ACBD6: variants seen among roughly 807,000 people sequenced by gnomAD.
The protein encoded by ACBD6 is acyl-CoA-binding domain-containing protein 6.
ACBD6 carries 28 observed loss-of-function variants against 37.2 expected under a neutral mutation model. That is an observed-to-expected ratio of 0.75 (90% CI 0.56 to 1.03). ACBD6 has a LOEUF of 1.03. Ranked by LOEUF, ACBD6 falls within the 50% of genes least tolerant of loss-of-function variation. ACBD6 has a pLI of 0.00. For missense variants in ACBD6, 340 were observed against 337.4 expected (o/e 1.01, Z -0.06); for synonymous variants, 113 against 126.8 (o/e 0.89, Z 0.73).
intron 3 of ACBD6, among the ~76,000 whole-genome samples, chr1:180,490,889 T>C (rs1400676896): frequency 7.1e-6 from 1 of 140,014 alleles, no homozygotes; most frequent in Non-Finnish European, 1.5e-5. Context: ...ACCTGGGAGG[T>C]GGAGGTTACG....
chr1:180,501,988 T>C (rs1652000185), intron 1 of ACBD6, 57 bp downstream of exon 1: 5 of 1,541,598 alleles, frequency 3.2e-6, no homozygotes, highest in Non-Finnish European at 3.6e-6. Context: ...CTATCAGTTG[T>C]TGAGGAAGAA....
At chr1:180,496,209 T>A (rs1310108610) in intron 1 of ACBD6, among the ~76,000 whole-genome samples, 1 of 152,196 alleles carries the variant, frequency 6.6e-6, no homozygotes, top group Non-Finnish European at 1.5e-5. Context: ...AGAATAAGCA[T>A]AAATGAAATT....
chr1:180,388,696 C>T (rs1426944737), intron 6 of ACBD6, among the ~76,000 whole-genome samples: 2 of 152,008 alleles, frequency 1.3e-5, no homozygotes, highest in African/African-American at 2.4e-5. Flanking sequence ...CTGCCTTGGC[C>T]TTCCAAAGTG....
chr1:180,465,064 A>C (rs565250833), intron 3 of ACBD6, among the ~76,000 whole-genome samples: 2 of 152,316 alleles, frequency 1.3e-5, no homozygotes, highest in African/African-American at 4.8e-5. Context: ...TGTAAAACCC[A>C]AAACCATAAA....
intron 6 of ACBD6, among the ~76,000 whole-genome samples, chr1:180,318,194 G>GA (rs1389310954): frequency 1.0e-5 from 1 of 98,058 alleles, no homozygotes; most frequent in Non-Finnish European, 2.3e-5. Flanking sequence ...AAGAAAGAAA[G>GA]AAAAAAAAGG....
intron 6 of ACBD6, among the ~76,000 whole-genome samples, chr1:180,370,810 T>C (rs1653234634): frequency 6.6e-6 from 1 of 151,988 alleles, no homozygotes; most frequent in Non-Finnish European, 1.5e-5. Flanking sequence ...AATGACCCAT[T>C]AAAAAACTCC....
At chr1:180,358,609 G>A (rs1571405155) in intron 6 of ACBD6, among the ~76,000 whole-genome samples, 1 of 151,454 alleles carries the variant, frequency 6.6e-6, no homozygotes, top group African/African-American at 2.4e-5. Flanking sequence ...AATCAATGAT[G>A]TACTCTTTGT....
At chr1:180,391,349 TCAAG>T (rs1440759316) in intron 6 of ACBD6, among the ~76,000 whole-genome samples, 3 of 152,168 alleles carry the variant, frequency 2.0e-5, no homozygotes, top group South Asian at 2.1e-4. Context: ...AAGGACACTA[TCAAG>T]CAAGTAAAAA....
intron 5 of ACBD6, among the ~76,000 whole-genome samples, chr1:180,405,178 C>T (rs750946954): frequency 3.3e-5 from 5 of 152,042 alleles, no homozygotes; most frequent in South Asian, 2.1e-4. Flanking sequence ...CTCAGTATAC[C>T]GACCCTGCCT....
chr1:180,495,064 G>A (rs973600468), intron 2 of ACBD6, among the ~76,000 whole-genome samples: 4 of 152,190 alleles, frequency 2.6e-5, no homozygotes, highest in African/African-American at 9.7e-5. Flanking sequence ...GGACAAGGAA[G>A]ATGGGTGAAA....
chr1:180,446,710 C>T (rs1348979849), intron 3 of ACBD6, among the ~76,000 whole-genome samples: 1 of 152,070 alleles, frequency 6.6e-6, no homozygotes, highest in Non-Finnish European at 1.5e-5. Context: ...TACAAACACA[C>T]AGCAATATTT....
At chr1:180,327,777 A>G (rs974673961) in intron 6 of ACBD6, among the ~76,000 whole-genome samples, 2 of 152,212 alleles carry the variant, frequency 1.3e-5, no homozygotes, top group Admixed American at 6.5e-5. Flanking sequence ...GATGAACAGG[A>G]TATTTAGCTT....
intron 7 of ACBD6, among the ~76,000 whole-genome samples, chr1:180,300,969 G>A (rs1208604320): frequency 6.6e-6 from 1 of 152,160 alleles, no homozygotes; most frequent in East Asian, 1.9e-4. Context: ...ATTGTGAAAA[G>A]AGGTCTGGAT....
At chr1:180,414,965 G>A (rs1234425831) in intron 4 of ACBD6, among the ~76,000 whole-genome samples, 1 of 152,042 alleles carries the variant, frequency 6.6e-6, no homozygotes, top group Admixed American at 6.6e-5. Context: ...AAAACACCAT[G>A]TTTCGGGAGG....
intron 8 of ACBD6, among the ~76,000 whole-genome samples, chr1:180,282,750 A>G (rs1171048032): frequency 3.9e-5 from 6 of 152,066 alleles, no homozygotes; most frequent in Non-Finnish European, 8.8e-5. Context: ...TATACTCAGT[A>G]TGTGTGTGCT....
intron 3 of ACBD6, among the ~76,000 whole-genome samples, chr1:180,471,661 C>T (rs1188607172): frequency 6.6e-6 from 1 of 152,090 alleles, no homozygotes; most frequent in East Asian, 1.9e-4. Flanking sequence ...TATTCAGTAT[C>T]TCGAGAATAG....
intron 5 of ACBD6, among the ~76,000 whole-genome samples, chr1:180,411,662 C>T (rs1647860879): frequency 6.6e-6 from 1 of 152,068 alleles, no homozygotes; most frequent in Admixed American, 6.6e-5. Flanking sequence ...GTAAACACAA[C>T]TTTTTTGTTT....
intron 2 of ACBD6, among the ~76,000 whole-genome samples, chr1:180,492,777 C>T (rs1256220586): frequency 6.6e-6 from 1 of 152,108 alleles, no homozygotes; most frequent in Non-Finnish European, 1.5e-5. Flanking sequence ...GCATTTTGGT[C>T]GTACAGAAAC....
chr1:180,309,252 A>G (rs1650499150), intron 7 of ACBD6, among the ~76,000 whole-genome samples: 1 of 152,252 alleles, frequency 6.6e-6, no homozygotes, highest in East Asian at 1.9e-4. Flanking sequence ...TTTCTGTACC[A>G]GTACATAAAG....
Sources: allele counts gnomAD v4.1 joint callset (sites outside exome capture counted in the v4.1 genomes callset), GRCh38; gene constraint gnomAD v4.1.1; transcripts MANE v1.5; gene names NCBI Gene and HGNC (gene_info 2026-07-23, HGNC 2026-07-21).